The following LRP1B variants were observed in gnomAD, a reference collection of about 807,000 sequenced individuals.
The protein encoded by LRP1B is low-density lipoprotein receptor-related protein 1B.
LRP1B carries 217 observed loss-of-function variants against 556.6 expected under a neutral mutation model. The observed-to-expected ratio is 0.39, with a 90% confidence interval of 0.35 to 0.44. LRP1B has a LOEUF of 0.44. Ranked by LOEUF, LRP1B falls within the 20% of genes least tolerant of loss-of-function variation. The probability of loss-of-function intolerance (pLI) is 1.00; values close to 1 mark genes in which losing one functional copy is unlikely to be tolerated. For synonymous variants in LRP1B, 2,047 were observed against 1,865.8 expected (o/e 1.10, Z -2.50); for missense variants, 5,053 against 5,620.8 (o/e 0.90, Z 3.23).
At position 140,687,921 on chromosome 2, in the gene LRP1B, C is replaced by T. The variant is rs147561733; in HGVS notation, c.6799+12329G>A. 7.2e-3 allele frequency among the ~76,000 whole-genome samples: 1,091 copies of T among 152,236 alleles called. 13 individuals carry two copies. Among genetic ancestry groups the T allele is most frequent in the African/African-American group, 0.025 (1,025 of 41,538 alleles). ...TTTCTTAGAAATTTTGAATTCATCA[C>T]CCAGCCCCTCAAAGATCTATTTATA... is the stretch of plus-strand genomic sequence containing the variant. On this transcript the variant is annotated intron_variant, in intron 41 of 90. Transcript: ENST00000389484.
chr2:140,941,967 A>G (rs1338503535), intron 20 of LRP1B, among the ~76,000 whole-genome samples: 1 of 152,172 alleles, frequency 6.6e-6, no homozygotes, highest in African/African-American at 2.4e-5. Flanking sequence ...AAAATGACAG[A>G]CATAGAATTC....
chr2:141,444,076 T>G (rs1681088817), intron 3 of LRP1B, among the ~76,000 whole-genome samples: 1 of 152,152 alleles, frequency 6.6e-6, no homozygotes, highest in Admixed American at 6.5e-5. Context: ...ATGGAATGTT[T>G]TTCCATTTGT....
intron 6 of LRP1B, among the ~76,000 whole-genome samples, chr2:141,206,757 G>A (rs1311595352): frequency 6.6e-6 from 1 of 152,112 alleles, no homozygotes; most frequent in Non-Finnish European, 1.5e-5. Context: ...GGTTCTGCAT[G>A]CTAATCAAAG....
chr2:140,859,792 A>G (rs1692733856), intron 27 of LRP1B, among the ~76,000 whole-genome samples: 1 of 152,022 alleles, frequency 6.6e-6, no homozygotes, highest in African/African-American at 2.4e-5. Flanking sequence ...CAGGAGATCG[A>G]GACCATCCTG....
intron 1 of LRP1B, among the ~76,000 whole-genome samples, chr2:142,052,650 C>G (rs1472948858): frequency 1.3e-5 from 2 of 152,078 alleles, no homozygotes; most frequent in Admixed American, 6.6e-5. Context: ...CAGGGTGCTG[C>G]TCTGATCCCT....
intron 1 of LRP1B, among the ~76,000 whole-genome samples, chr2:141,926,486 A>G (rs1421114283): frequency 6.6e-6 from 1 of 152,140 alleles, no homozygotes; most frequent in Non-Finnish European, 1.5e-5. Context: ...AATAAAACAA[A>G]CAAAATAATA....
At chr2:141,559,754 T>C (rs1489033129) in intron 2 of LRP1B, among the ~76,000 whole-genome samples, 8 of 151,654 alleles carry the variant, frequency 5.3e-5, no homozygotes, top group Admixed American at 3.3e-4. Context: ...TGAGGCACAA[T>C]TGGCCTAAAC....
chr2:141,560,710 T>C (rs765311580), intron 2 of LRP1B, among the ~76,000 whole-genome samples: 8 of 151,758 alleles, frequency 5.3e-5, no homozygotes, highest in Non-Finnish European at 1.0e-4. Context: ...TTATATGTTC[T>C]TTAAAAATAA....
At chr2:141,601,204 A>ATCTT (rs1466539507) in intron 2 of LRP1B, among the ~76,000 whole-genome samples, 1 of 80,490 alleles carries the variant, frequency 1.2e-5, no homozygotes, top group East Asian at 6.4e-4. Flanking sequence ...GTCTGTCAGT[A>ATCTT]TCTATCTATC....
intron 32 of LRP1B, among the ~76,000 whole-genome samples, chr2:140,781,453 A>G (rs2104963239): frequency 6.6e-6 from 1 of 152,326 alleles, no homozygotes; most frequent in Middle Eastern, 3.4e-3. Flanking sequence ...TTCTAATTCC[A>G]GTCTTATCAT....
chr2:141,305,815 TCAATTTCTTC>T (rs1262915765), intron 3 of LRP1B, among the ~76,000 whole-genome samples: 1 of 152,192 alleles, frequency 6.6e-6, no homozygotes, highest in African/African-American at 2.4e-5. Flanking sequence ...TTGAATTTTA[TCAATTTCTTC>T]CTGCATCTAT....
At chr2:140,882,824 C>A (rs1490611734) in intron 25 of LRP1B, among the ~76,000 whole-genome samples, 1 of 152,170 alleles carries the variant, frequency 6.6e-6, no homozygotes, top group Non-Finnish European at 1.5e-5. Context: ...TCACTCCCTG[C>A]TCATTGGAGC....
At chr2:141,209,678 G>T (rs1682457352) in intron 6 of LRP1B, among the ~76,000 whole-genome samples, 1 of 152,242 alleles carries the variant, frequency 6.6e-6, no homozygotes, top group East Asian at 1.9e-4. Context: ...CAGAAATGGT[G>T]TCCCCCAAGG....
At chr2:140,357,681 T>C (rs1421847553) in intron 74 of LRP1B, among the ~76,000 whole-genome samples, 1 of 151,634 alleles carries the variant, frequency 6.6e-6, no homozygotes, top group Non-Finnish European at 1.5e-5. Context: ...ACTAAATTTG[T>C]ATAAGATAAA....
At chr2:140,447,143 T>TA (rs1278657438) in intron 63 of LRP1B, among the ~76,000 whole-genome samples, 3 of 151,984 alleles carry the variant, frequency 2.0e-5, no homozygotes, top group Non-Finnish European at 4.4e-5. Flanking sequence ...TTAGGCATTG[T>TA]AAAAAAAGAA....
chr2:141,563,700 A>G (rs62169800), intron 2 of LRP1B, among the ~76,000 whole-genome samples: 7,602 of 152,208 alleles, frequency 0.05, 311 homozygotes, highest in East Asian at 0.12. Context: ...GGTGTAAGAA[A>G]GAACGAGATC....
At chr2:140,707,996 C>G (rs911984632) in intron 37 of LRP1B, among the ~76,000 whole-genome samples, 2 of 152,040 alleles carry the variant, frequency 1.3e-5, no homozygotes, top group South Asian at 4.1e-4. Flanking sequence ...TACTCATGCA[C>G]TCATCAACAA....
intron 7 of LRP1B, among the ~76,000 whole-genome samples, chr2:141,085,273 A>G (rs971149174): frequency 6.6e-6 from 1 of 152,244 alleles, no homozygotes; most frequent in Non-Finnish European, 1.5e-5. Context: ...GCTAAAGAAC[A>G]GAAGAGTTTT....
intron 67 of LRP1B, among the ~76,000 whole-genome samples, chr2:140,379,188 A>G (rs966034606): frequency 2.0e-5 from 3 of 152,190 alleles, no homozygotes; most frequent in African/African-American, 7.2e-5. Context: ...TTGTGTTTGC[A>G]GCTGTATCAC....
Sources: allele counts gnomAD v4.1 joint callset (sites outside exome capture counted in the v4.1 genomes callset), GRCh38; gene constraint gnomAD v4.1.1; transcripts MANE v1.5; gene names NCBI Gene and HGNC (gene_info 2026-07-23, HGNC 2026-07-21).